The following NLGN1 variants were observed in gnomAD, a reference collection of about 807,000 sequenced individuals.
NLGN1 encodes neuroligin-1.
In NLGN1, 12 loss-of-function variants were observed where a neutral mutation model predicts 65.5. That is an observed-to-expected ratio of 0.18 (90% confidence interval 0.12 to 0.30). The LOEUF (loss-of-function observed/expected upper bound fraction) is 0.30, where lower values mean the gene tolerates loss of function less well. NLGN1 is among the 10% of genes least tolerant of loss of function. NLGN1 has a pLI of 1.00. For synonymous variants in NLGN1, 350 were observed against 359.5 expected (o/e 0.97, Z 0.30); for missense variants, 750 against 1,007.1 (o/e 0.74, Z 3.46).
chr3:174,251,686 TTAAA>T (rs1744794188), intron 4 of NLGN1, among the ~76,000 whole-genome samples: 2 of 152,186 alleles, frequency 1.3e-5, no homozygotes, highest in Non-Finnish European at 2.9e-5. Context: ...TTAACTTTAT[TTAAA>T]TAAATTGCAA....
At chr3:173,904,551 A>T (rs1737999100) in intron 4 of NLGN1, among the ~76,000 whole-genome samples, 1 of 151,272 alleles carries the variant, frequency 6.6e-6, no homozygotes, top group Non-Finnish European at 1.5e-5. Context: ...AACCACAAAT[A>T]TGTGATAAAT....
intron 4 of NLGN1, among the ~76,000 whole-genome samples, chr3:173,994,348 G>T: frequency 6.6e-6 from 1 of 150,998 alleles, no homozygotes; most frequent in Non-Finnish European, 1.5e-5. Flanking sequence ...GCCTGCCTCA[G>T]CCCCTCAAAG....
chr3:173,878,672 A>G (rs1041243970), intron 4 of NLGN1, among the ~76,000 whole-genome samples: 6 of 150,020 alleles, frequency 4.0e-5, no homozygotes, highest in East Asian at 2.0e-4. Context: ...ATACACATAC[A>G]TATATAAGTG....
chr3:173,442,032 C>T (rs1032524886), intron 2 of NLGN1, among the ~76,000 whole-genome samples: 4 of 152,094 alleles, frequency 2.6e-5, no homozygotes, highest in Non-Finnish European at 4.4e-5. Flanking sequence ...GCCCCTTTAA[C>T]TTCAAAACCA....
chr3:173,746,019 G>A (rs1775308708), intron 3 of NLGN1, among the ~76,000 whole-genome samples: 1 of 152,020 alleles, frequency 6.6e-6, no homozygotes, highest in Non-Finnish European at 1.5e-5. Context: ...TCTAAGTGAG[G>A]CATTGTACTG....
chr3:174,077,817 G>C (rs897976659), intron 4 of NLGN1, among the ~76,000 whole-genome samples: 1 of 152,132 alleles, frequency 6.6e-6, no homozygotes, highest in Admixed American at 6.5e-5. Flanking sequence ...GCCTCCCAAA[G>C]TGCTAGGATT....
chr3:173,829,272 A>G (rs1578660526), intron 4 of NLGN1, among the ~76,000 whole-genome samples: 1 of 152,154 alleles, frequency 6.6e-6, no homozygotes, highest in East Asian at 1.9e-4. Context: ...TGAAATGCCT[A>G]TTAAGTATCA....
At chr3:173,553,580 T>C (rs1298091046) in intron 2 of NLGN1, among the ~76,000 whole-genome samples, 3 of 152,206 alleles carry the variant, frequency 2.0e-5, no homozygotes, top group Admixed American at 6.5e-5. Context: ...ACTGAAAGAC[T>C]ACAGAAAAAT....
At chr3:173,965,954 G>A (rs1483780284) in intron 4 of NLGN1, among the ~76,000 whole-genome samples, 1 of 151,822 alleles carries the variant, frequency 6.6e-6, no homozygotes, top group African/African-American at 2.4e-5. Flanking sequence ...ACATTTTGTG[G>A]GACAGGTGTT....
At chr3:174,129,429 A>G (rs1318648121) in intron 4 of NLGN1, among the ~76,000 whole-genome samples, 1 of 150,634 alleles carries the variant, frequency 6.6e-6, no homozygotes, top group East Asian at 2.0e-4. Context: ...GTATCTAGGA[A>G]AAACATATGA....
chr3:173,709,659 C>T lies in NLGN1; in HGVS notation c.494-98021C>T, dbSNP rs186587772. On this transcript the variant is annotated intron_variant, in intron 3 of 6. Coordinates refer to ENST00000457714, the Ensembl canonical transcript of NLGN1. ...CCTACTAAAAATACAAAAAATTAGC[C>T]GGGCATGGTGGTGAGTGCCTGTAAT... Among the ~76,000 whole-genome samples, 9 of 151,490 alleles carry T rather than the reference C, an allele frequency of 5.9e-5. No homozygotes were observed. In the East Asian group the frequency reaches 7.8e-4, roughly 13 times the overall value.
At chr3:173,558,331 C>T (rs780830184) in intron 2 of NLGN1, among the ~76,000 whole-genome samples, 14 of 151,944 alleles carry the variant, frequency 9.2e-5, no homozygotes, top group African/African-American at 3.1e-4. Context: ...GGTTTGTTGA[C>T]TTTCTTATGT....
rs142812566 is a variant in NLGN1, at chr3:173,451,079, G to A, written c.-321+16001G>A. 4.5e-4 allele frequency among the ~76,000 whole-genome samples: 68 copies of A among 152,174 alleles called. 2 individuals are homozygous for A. The East Asian group carries it at 0.012, about 27-fold the overall frequency. On this transcript the variant is annotated intron_variant, in intron 2 of 6. Transcript: ENST00000457714. ...TCTCAACTCGTCAAAGTCATTCTCCGTCTAGCTTTGTTCCATTGCTGGTGA... is the reference window on the plus strand; with the variant it reads ...TCTCAACTCGTCAAAGTCATTCTCCATCTAGCTTTGTTCCATTGCTGGTGA...
At chr3:173,727,539 C>G (rs1229138903) in intron 3 of NLGN1, among the ~76,000 whole-genome samples, 1 of 152,110 alleles carries the variant, frequency 6.6e-6, no homozygotes, top group African/African-American at 2.4e-5. Flanking sequence ...AGACTTGGCT[C>G]TCACCATTTG....
At chr3:173,749,086 T>C (rs557451381) in intron 3 of NLGN1, among the ~76,000 whole-genome samples, 1 of 152,212 alleles carries the variant, frequency 6.6e-6, no homozygotes, top group African/African-American at 2.4e-5. Flanking sequence ...TATCGGTGAA[T>C]ACAGTGAAAA....
chr3:173,915,974 G>C (rs1740651498), intron 4 of NLGN1, among the ~76,000 whole-genome samples: 1 of 152,084 alleles, frequency 6.6e-6, no homozygotes, highest in Non-Finnish European at 1.5e-5. Context: ...GCAGGGTTTA[G>C]ATCGTGAACT....
At chr3:174,238,059 G>A (rs542462120) in intron 4 of NLGN1, among the ~76,000 whole-genome samples, 1 of 152,190 alleles carries the variant, frequency 6.6e-6, no homozygotes, top group African/African-American at 2.4e-5. Context: ...TGTTCCAGTA[G>A]GTATCTATGT....
chr3:173,573,555 T>A (rs1744990475), intron 2 of NLGN1, among the ~76,000 whole-genome samples: 1 of 149,404 alleles, frequency 6.7e-6, no homozygotes, highest in East Asian at 1.9e-4. Flanking sequence ...TTATGTATAT[T>A]GTATGTATGT....
chr3:173,784,155 A>G (rs1352941748), intron 3 of NLGN1, among the ~76,000 whole-genome samples: 2 of 152,182 alleles, frequency 1.3e-5, no homozygotes, highest in Admixed American at 6.5e-5. Flanking sequence ...GTTGACAATA[A>G]GTTGCTTTTG....
Sources: gnomAD v4.1 joint callset for allele counts (sites outside exome capture counted in the v4.1 genomes callset) on GRCh38, gnomAD v4.1.1 for gene constraint, MANE v1.5 for transcripts, NCBI Gene and HGNC (gene_info 2026-07-23, HGNC 2026-07-21) for gene names.